Variants in ST6GAL2 observed in about 807,000 individuals in gnomAD.
ST6GAL2 encodes the protein beta-galactoside alpha-2,6-sialyltransferase 2.
ST6GAL2 carries 24 observed loss-of-function variants against 37.5 expected under a neutral mutation model. The observed-to-expected ratio is 0.64, with a 90% CI of 0.46 to 0.90. The LOEUF (loss-of-function observed/expected upper bound fraction) is 0.90, where lower values mean the gene tolerates loss of function less well. Among genes scored for constraint, ST6GAL2 ranks in the 40% least tolerant of loss-of-function variants. The pLI is 0.00. For missense variants in ST6GAL2, 715 were observed against 712.7 expected (o/e 1.00, Z -0.04); for synonymous variants, 306 against 295.1 (o/e 1.04, Z -0.38).
At position 106,844,046 on chromosome 2, in the gene ST6GAL2, C is replaced by G. The variant is rs1236629999; in HGVS notation, c.-57-12G>C. The G allele has an allele frequency of 1.0e-5, 14 of 1,340,196 alleles. No homozygotes were observed. The highest frequency in any genetic ancestry group is 1.4e-5 in the Non-Finnish European group (14 of 983,586). The allele number at this position is 1,340,196 out of a possible 1,614,324, so 83.0% of individuals were successfully genotyped here. The stretch of plus-strand genomic sequence containing the variant: ...GTGGCAGAATGAACCTGAAAAACAG[C>G]CAGATGGCAGTTAGCCAACATGGGG... On this transcript the variant is annotated splice_polypyrimidine_tract_variant and intron_variant, in intron 1 of 5. Transcript: ENST00000409382.
At chr2:106,819,890 T>G (rs1675935718) in intron 5 of ST6GAL2, among the ~76,000 whole-genome samples, 1 of 151,950 alleles carries the variant, frequency 6.6e-6, no homozygotes, top group Admixed American at 6.5e-5. Context: ...TTCTCTTTAT[T>G]TATGCAATTG....
intron 3 of ST6GAL2, 30 bp downstream of exon 3, chr2:106,834,019 A>T: frequency 6.6e-7 from 1 of 1,516,574 alleles, no homozygotes; most frequent in Non-Finnish European, 9.1e-7. Context: ...TAAGAAACAT[A>T]CATCCATGAA....
At chr2:106,877,422 G>A (rs1429163839) in intron 1 of ST6GAL2, among the ~76,000 whole-genome samples, 2 of 152,214 alleles carry the variant, frequency 1.3e-5, no homozygotes, top group Non-Finnish European at 2.9e-5. Flanking sequence ...CCACACCTTC[G>A]TTGTGTGCAA....
rs775376728 is a variant in ST6GAL2, at chr2:106,861,425, C to CTG, written c.-57-17393_-57-17392dup. The stretch of plus-strand genomic sequence containing the variant: ...CCCATTTTTATATTTAATTGTGTGT[C>CTG]TGTGTGTGTGGATTAGACATTTATT... On this transcript the variant is annotated intron_variant, in intron 1 of 5. Coordinates refer to ENST00000409382, the MANE Select transcript of ST6GAL2 (RefSeq NM_001142351.2). Among the ~76,000 whole-genome samples, 13 of 152,096 alleles carry CTG rather than the reference C, an allele frequency of 8.5e-5. No individual in the cohort carries two copies. The East Asian group carries it at 9.7e-4, about 11-fold the overall frequency.
chr2:106,842,543 T>A (rs1188888144), intron 2 of ST6GAL2, among the ~76,000 whole-genome samples: 1 of 152,198 alleles, frequency 6.6e-6, no homozygotes, highest in Non-Finnish European at 1.5e-5. Context: ...ACCCTGCTCT[T>A]TGGAGCTGAC....
chr2:106,874,597 A>T (rs186786206), intron 1 of ST6GAL2, among the ~76,000 whole-genome samples: 2 of 152,188 alleles, frequency 1.3e-5, no homozygotes, highest in African/African-American at 4.8e-5. Context: ...GCAAGAGTGT[A>T]TGGAGACATC....
At chr2:106,812,116 C>T (rs1336764579) in intron 5 of ST6GAL2, among the ~76,000 whole-genome samples, 1 of 152,088 alleles carries the variant, frequency 6.6e-6, no homozygotes, top group East Asian at 1.9e-4. Flanking sequence ...TGAGTGGAGC[C>T]CTCATGAATG....
At chr2:106,816,181 A>C (rs559111520) in intron 5 of ST6GAL2, among the ~76,000 whole-genome samples, 7 of 152,302 alleles carry the variant, frequency 4.6e-5, no homozygotes, top group Non-Finnish European at 1.0e-4. Flanking sequence ...ATTATCCCAA[A>C]AGTTGCAAAG....
At chr2:106,831,646 C>G (rs907671314) in intron 4 of ST6GAL2, among the ~76,000 whole-genome samples, 1 of 152,190 alleles carries the variant, frequency 6.6e-6, no homozygotes, top group African/African-American at 2.4e-5. Flanking sequence ...GTGATTTTGA[C>G]TTGCACTCCT....
rs757491993 is a variant in ST6GAL2 at position 106,805,612 on chromosome 2, G to A, written c.*1066C>T. ...TCCTAAATGTCTGTAGGAAGATTTA[G>A]TGAAGATTCAGTGCTCATCACTGTG... On this transcript the variant is annotated 3_prime_UTR_variant, in exon 6 of 6. Transcript: ENST00000409382. 38 of 152,226 alleles carry A rather than the reference G, an allele frequency of 2.5e-4. No individual in the cohort carries two copies. Among genetic ancestry groups the A allele is most frequent in the Middle Eastern group, 3.2e-3 (1 of 316 alleles). The allele number at this position is 152,226 out of a possible 1,614,324, so 9.4% of individuals were successfully genotyped here. A position where few individuals can be genotyped will look rare whatever the true frequency, so the allele number is the denominator to read the frequency against.
chr2:106,815,057 T>C (rs1434313601), intron 5 of ST6GAL2, among the ~76,000 whole-genome samples: 2 of 152,190 alleles, frequency 1.3e-5, no homozygotes, highest in Non-Finnish European at 2.9e-5. Context: ...ACATGTGCAG[T>C]CCAATAATAG....
In ST6GAL2 at chr2:106,843,352, T is replaced by C. The variant is rs535316547; in HGVS notation, c.626A>G (p.Lys209Arg). 2.0e-5 allele frequency: 32 copies of C among 1,614,122 alleles called. No individual in the cohort carries two copies. The highest frequency in any genetic ancestry group is 1.5e-4 in the African/African-American group (11 of 75,048). ...MSRAFLYRLW[K>R]GNVSSKMLNP... ...CAGCATTTTGGAAGAGACGTTCCCCTTCCAGAGCCGGTACAGGAAGGCCCT... is the reference window on the plus strand; with the variant it reads ...CAGCATTTTGGAAGAGACGTTCCCCCTCCAGAGCCGGTACAGGAAGGCCCT... Residue 209 changes from lysine to arginine, a missense_variant, in exon 2 of 6, where the codon AAG (lysine) becomes AGG (arginine). Physicochemically the swap from Lys to Arg is conservative, Grantham distance 26. Coordinates refer to ENST00000409382, the MANE Select transcript of ST6GAL2 (RefSeq NM_001142351.2).
At position 106,838,783 on chromosome 2, in the gene ST6GAL2, T is replaced by G. The variant is rs535142022; in HGVS notation, c.943+4252A>C. ...GGGCACAGTGGCTCACACCTGTACTTCCAGCACTTTGTGAGGCCGAGGCGA... is the reference window on the plus strand; with the variant it reads ...GGGCACAGTGGCTCACACCTGTACTGCCAGCACTTTGTGAGGCCGAGGCGA... On this transcript the variant is annotated intron_variant, in intron 2 of 5. Coordinates refer to ENST00000409382, the MANE Select transcript of ST6GAL2 (RefSeq NM_001142351.2). 1.2e-3 allele frequency among the ~76,000 whole-genome samples: 182 copies of G among 152,258 alleles called. 6 individuals are homozygous for G. The South Asian group carries it at 0.036, about 30-fold the overall frequency.
At chr2:106,865,818 T>C (rs192550039) in intron 1 of ST6GAL2, among the ~76,000 whole-genome samples, 14 of 152,344 alleles carry the variant, frequency 9.2e-5, no homozygotes, top group African/African-American at 3.4e-4. Context: ...TAAAATGGAT[T>C]AGTTCTCCAA....
chr2:106,848,968 T>C (rs1463320832), intron 1 of ST6GAL2, among the ~76,000 whole-genome samples: 1 of 152,166 alleles, frequency 6.6e-6, no homozygotes, highest in Non-Finnish European at 1.5e-5. Context: ...CTGTAACCAA[T>C]CAAACAGCTG....
rs114997236 is a variant in ST6GAL2, at chr2:106,865,585, C to G, written c.-58+20508G>C. Among the ~76,000 whole-genome samples the G allele has an allele frequency of 9.2e-3, 1,394 of 152,336 alleles. 7 individuals carry two copies. Among genetic ancestry groups the G allele is most frequent in the Non-Finnish European group, 0.011 (743 of 68,038 alleles). On this transcript the variant is annotated intron_variant, in intron 1 of 5. Coordinates refer to ENST00000409382, the MANE Select transcript of ST6GAL2 (RefSeq NM_001142351.2). The stretch of plus-strand genomic sequence containing the variant: ...GCAAAATTCGTTACACCTCTTCTCT[C>G]CATCTCATCCTTATTACGAACATTT...
intron 4 of ST6GAL2, among the ~76,000 whole-genome samples, 155 bp downstream of exon 4, chr2:106,832,410 T>A (rs1676458091): frequency 6.6e-6 from 1 of 152,252 alleles, no homozygotes; most frequent in Admixed American, 6.5e-5. Context: ...CTATTGTAAC[T>A]GGGTATCAAC....
At chr2:106,827,576 G>A (rs979130328) in intron 5 of ST6GAL2, among the ~76,000 whole-genome samples, 1 of 152,082 alleles carries the variant, frequency 6.6e-6, no homozygotes, top group African/African-American at 2.4e-5. Flanking sequence ...CCTGCCCAGT[G>A]GGAACTGAGG....
At chr2:106,815,370 A>G (rs1006883782) in intron 5 of ST6GAL2, among the ~76,000 whole-genome samples, 2 of 152,228 alleles carry the variant, frequency 1.3e-5, no homozygotes, top group African/African-American at 2.4e-5. Context: ...TAGAGTAATG[A>G]CTTGTCAACA....
Sources: allele counts gnomAD v4.1 joint callset (sites outside exome capture counted in the v4.1 genomes callset), GRCh38; gene constraint gnomAD v4.1.1; transcripts MANE v1.5; gene names NCBI Gene and HGNC (gene_info 2026-07-23, HGNC 2026-07-21).